PDE10A: variants seen among roughly 807,000 people sequenced by gnomAD.
PDE10A encodes the protein phosphodiesterase 10A.
Under a neutral mutation model 97.7 loss-of-function variants are expected in PDE10A, and 39 were observed. The observed-to-expected ratio is 0.40, with a 90% CI of 0.31 to 0.52. The LOEUF is 0.52. Among genes scored for constraint, PDE10A ranks in the 20% least tolerant of loss-of-function variants. PDE10A has a pLI of 0.56. For missense variants in PDE10A, 731 were observed against 1,047.8 expected (o/e 0.70, Z 4.17); for synonymous variants, 371 against 376.8 (o/e 0.98, Z 0.18).
intron 18 of PDE10A, among the ~76,000 whole-genome samples, chr6:165,362,155 T>C (rs1783465158): frequency 6.6e-6 from 1 of 151,862 alleles, no homozygotes; most frequent in Non-Finnish European, 1.5e-5. Context: ...TAACTAAAAC[T>C]AAAGCAAACA....
intron 1 of PDE10A, among the ~76,000 whole-genome samples, chr6:165,877,143 T>C (rs1164002314): frequency 6.6e-6 from 1 of 152,256 alleles, no homozygotes; most frequent in Non-Finnish European, 1.5e-5. Flanking sequence ...GAATGAATAA[T>C]TGTTTTGGCA....
chr6:165,943,164 GAAAGAA>G (rs1562809390), intron 1 of PDE10A, among the ~76,000 whole-genome samples: 35 of 81,764 alleles, frequency 4.3e-4, no homozygotes, highest in African/African-American at 1.7e-3. Flanking sequence ...AGAGAGAGAA[GAAAGAA>G]AGAAAAAAGA....
At chr6:165,734,131 A>G (rs1385474860) in intron 1 of PDE10A, among the ~76,000 whole-genome samples, 1 of 152,204 alleles carries the variant, frequency 6.6e-6, no homozygotes, top group African/African-American at 2.4e-5. Context: ...GCAAAGGACC[A>G]TCTCTCCTCC....
intron 1 of PDE10A, among the ~76,000 whole-genome samples, chr6:165,830,856 A>G (rs568498408): frequency 2.8e-4 from 43 of 152,208 alleles, no homozygotes; most frequent in Admixed American, 9.2e-4. Context: ...ACGAAATCCA[A>G]AAGCTGATTT....
intron 1 of PDE10A, among the ~76,000 whole-genome samples, chr6:165,715,022 G>T (rs1791991280): frequency 6.6e-6 from 1 of 152,270 alleles, no homozygotes; most frequent in African/African-American, 2.4e-5. Context: ...CACAGAGCAG[G>T]GCAGGAGTGC....
intron 1 of PDE10A, among the ~76,000 whole-genome samples, chr6:165,576,777 C>T (rs1342266387): frequency 1.3e-5 from 2 of 152,214 alleles, no homozygotes; most frequent in Non-Finnish European, 2.9e-5. Flanking sequence ...GTCAACAGTA[C>T]CTTCACAGTG....
chr6:165,726,552 C>T (rs1405881587), intron 1 of PDE10A, among the ~76,000 whole-genome samples: 1 of 150,604 alleles, frequency 6.6e-6, no homozygotes, highest in Non-Finnish European at 1.5e-5. Context: ...GCCACGATGC[C>T]CGAGGAGAGC....
At chr6:165,874,270 G>C (rs987569111) in intron 1 of PDE10A, among the ~76,000 whole-genome samples, 2 of 152,274 alleles carry the variant, frequency 1.3e-5, no homozygotes, top group African/African-American at 2.4e-5. Flanking sequence ...ATTCAAAGTT[G>C]GGAGCCATCA....
intron 1 of PDE10A, among the ~76,000 whole-genome samples, chr6:165,847,402 C>A (rs1357792452): frequency 6.6e-6 from 1 of 152,254 alleles, no homozygotes; most frequent in Non-Finnish European, 1.5e-5. Flanking sequence ...GTAATAAGAA[C>A]ATTTCTCTGC....
intron 1 of PDE10A, among the ~76,000 whole-genome samples, chr6:165,956,079 T>C (rs981277392): frequency 1.3e-5 from 2 of 152,224 alleles, no homozygotes; most frequent in African/African-American, 4.8e-5. Flanking sequence ...CTTTCAACTT[T>C]AAAATGTCTG....
At chr6:165,902,560 T>C (rs776425167) in intron 1 of PDE10A, among the ~76,000 whole-genome samples, 1 of 152,228 alleles carries the variant, frequency 6.6e-6, no homozygotes, top group Non-Finnish European at 1.5e-5. Flanking sequence ...CGGCATTCCT[T>C]ATTTCAAAGA....
chr6:165,768,132 G>A (rs767634004), intron 1 of PDE10A, among the ~76,000 whole-genome samples: 20 of 152,004 alleles, frequency 1.3e-4, no homozygotes, highest in South Asian at 6.2e-4. Flanking sequence ...TGTAAATTGC[G>A]TTATTTGCCT....
At chr6:165,940,898 T>C (rs1783495699) in intron 1 of PDE10A, 1 of 152,250 alleles carries the variant, frequency 6.6e-6, no homozygotes, top group African/African-American at 2.4e-5. Flanking sequence ...AGTAGCCGTG[T>C]TTCTATGAAA....
In PDE10A at chr6:165,542,400, T is replaced by C. The variant is rs189307683; in HGVS notation, c.994+1040A>G. Among the ~76,000 whole-genome samples, 502 of 152,232 alleles carry C rather than the reference T, an allele frequency of 3.3e-3. 9 individuals are homozygous for C. Among genetic ancestry groups the C allele is most frequent in the Non-Finnish European group, 3.0e-3 (207 of 68,012 alleles). On this transcript the variant is annotated intron_variant, in intron 2 of 21. Transcript: ENST00000539869. ...GAGCCTCTAGTTCTTTATTCGTGAA[T>C]ATAACTGCTTCTTAAACAGTCTCCA...
intron 3 of PDE10A, among the ~76,000 whole-genome samples, chr6:165,477,179 A>G (rs555916629): frequency 6.6e-6 from 1 of 152,256 alleles, no homozygotes; most frequent in Non-Finnish European, 1.5e-5. Flanking sequence ...CTATGCCTCC[A>G]GGGATGTGCC....
At chr6:165,352,153 C>T (rs1352858720) in intron 18 of PDE10A, among the ~76,000 whole-genome samples, 3 of 152,180 alleles carry the variant, frequency 2.0e-5, no homozygotes, top group Admixed American at 6.5e-5. Context: ...TGCACCCAGA[C>T]AATTTGAGAA....
intron 1 of PDE10A, among the ~76,000 whole-genome samples, chr6:165,919,132 A>G (rs1253259786): frequency 6.6e-6 from 1 of 152,174 alleles, no homozygotes; most frequent in Non-Finnish European, 1.5e-5. Context: ...TGGCTTTGTC[A>G]ACAAGCCAAG....
rs1330735491 is a variant in PDE10A, at chr6:165,656,670, C to T, written c.865+5277G>A. 3.9e-5 allele frequency among the ~76,000 whole-genome samples: 6 copies of T among 152,206 alleles called. No individual in the cohort carries two copies. In the East Asian group the frequency reaches 9.7e-4, roughly 25 times the overall value. On this transcript the variant is annotated intron_variant, in intron 1 of 21. Coordinates refer to ENST00000539869, the MANE Select transcript of PDE10A (RefSeq NM_001385079.1). ...TACCACCTGTCCAGGCTGTTTTCCACCCTGCAACCTCAGAAGATCCCTTTC... is the reference window on the plus strand; with the variant it reads ...TACCACCTGTCCAGGCTGTTTTCCATCCTGCAACCTCAGAAGATCCCTTTC...
chr6:165,462,153 T>A (rs949690128), intron 3 of PDE10A, among the ~76,000 whole-genome samples: 10 of 152,364 alleles, frequency 6.6e-5, no homozygotes, highest in African/African-American at 2.4e-4. Context: ...CATTTTTCTC[T>A]ATGTGGAATA....
Sources: allele counts gnomAD v4.1 joint callset (sites outside exome capture counted in the v4.1 genomes callset), GRCh38; gene constraint gnomAD v4.1.1; transcripts MANE v1.5; gene names NCBI Gene and HGNC (gene_info 2026-07-23, HGNC 2026-07-21).